The following CD53 variants were observed in gnomAD, a reference collection of about 807,000 sequenced individuals.
CD53 encodes CD53 molecule.
A neutral mutation model predicts 27.3 loss-of-function variants in CD53; 20 were observed. That is an observed-to-expected ratio of 0.73 (90% CI 0.52 to 1.07). CD53 has a LOEUF of 1.07. Among genes scored for constraint, CD53 ranks in the 50% least tolerant of loss-of-function variants. The pLI, the probability that CD53 is intolerant of heterozygous loss-of-function variation, is 0.00. For missense variants in CD53, 216 were observed against 264.0 expected, an observed-to-expected ratio of 0.82 and a Z score of 1.26; for synonymous variants, 106 against 105.3, an observed-to-expected ratio of 1.01 and a Z score of -0.04.
chr1:110,887,036 T>A (rs1307497342), intron 1 of CD53, among the ~76,000 whole-genome samples: 1 of 128,804 alleles, frequency 7.8e-6, no homozygotes, highest in Non-Finnish European at 1.8e-5. Context: ...AGTCTTTTTA[T>A]ACTTTCCATG....
intron 4 of CD53, among the ~76,000 whole-genome samples, 161 bp from the exon 5 acceptor site, chr1:110,894,799 C>A (rs2070749): frequency 0.73 from 110,270 of 152,066 alleles, 42,008 homozygotes; most frequent in Non-Finnish European, 0.84. Context: ...CATGCTCAGC[C>A]TGTATGCCCA....
chr1:110,878,233 G>A (rs1321731924), intron 1 of CD53, among the ~76,000 whole-genome samples: 2 of 152,196 alleles, frequency 1.3e-5, no homozygotes, highest in African/African-American at 4.8e-5. Flanking sequence ...ATGTATCTCA[G>A]TTTGTTTGAG....
chr1:110,886,869 A>ATTT (rs71575170), intron 1 of CD53, among the ~76,000 whole-genome samples: 2,952 of 82,706 alleles, frequency 0.036, 80 homozygotes, highest in African/African-American at 0.049. Flanking sequence ...ATATATATAT[A>ATTT]TTTTTTTTTT....
intron 1 of CD53, among the ~76,000 whole-genome samples, chr1:110,883,398 G>A (rs939140346): frequency 2.6e-5 from 4 of 151,798 alleles, no homozygotes; most frequent in Admixed American, 2.6e-4. Flanking sequence ...CCTGAGAGTA[G>A]CCCCATTTGT....
upstream of CD53, among the ~76,000 whole-genome samples, chr1:110,873,003 G>C (rs750488883): frequency 2.0e-5 from 3 of 152,158 alleles, no homozygotes; most frequent in Non-Finnish European, 4.4e-5. Flanking sequence ...GGCTGTGAGA[G>C]GAAGCTTCTA....
chr1:110,871,617 G>C (rs1056213682), upstream of CD53, among the ~76,000 whole-genome samples: 2 of 152,082 alleles, frequency 1.3e-5, no homozygotes, highest in African/African-American at 2.4e-5. Flanking sequence ...ATAGTAATTA[G>C]AGCCATCAGA....
At chr1:110,892,842 T>A (rs575701549) in intron 3 of CD53, 2 of 242,154 alleles carry the variant, frequency 8.3e-6, no homozygotes, top group South Asian at 1.7e-4. Flanking sequence ...TGAAATCAGG[T>A]GTCATCCATC....
intron 4 of CD53, among the ~76,000 whole-genome samples, chr1:110,894,714 C>T (rs1035970142): frequency 1.3e-5 from 2 of 152,138 alleles, no homozygotes; most frequent in African/African-American, 2.4e-5. Context: ...TTTAATTGCT[C>T]CTTTTCCTCC....
chr1:110,886,144 A>T (rs570943996), intron 1 of CD53, among the ~76,000 whole-genome samples: 1 of 151,802 alleles, frequency 6.6e-6, no homozygotes, highest in Admixed American at 6.6e-5. Flanking sequence ...TAGTATGACA[A>T]TTTTTTTTCT....
In CD53 at chr1:110,878,089, T is replaced by C. The variant is rs529979910; in HGVS notation, c.-18+4841T>C. ...TTTGATGATTCTTAGCTGGGTGACC[T>C]TGTGCCAGTCCTCGGCTTCTCTATT... On this transcript the variant is annotated intron_variant, in intron 1 of 7. Transcript: ENST00000271324. Among the ~76,000 whole-genome samples, 30 of 152,326 alleles carry C rather than the reference T, an allele frequency of 2.0e-4. 1 individual carries two copies. In the South Asian group the frequency reaches 6.0e-3, roughly 30 times the overall value.
Position 110,895,064 on chromosome 1 carries a change from A to C in CD53, c.423+9A>C. The C allele has an allele frequency of 1.3e-6, 2 of 1,590,844 alleles. No individual in the cohort carries two copies. The highest frequency in any genetic ancestry group is 1.1e-5 in the South Asian group (1 of 90,588). On this transcript the variant is annotated intron_variant, in intron 5 of 7. Transcript: ENST00000271324. ...ACTCCATCCAGTCATTTGTGAGTAC[A>C]GGTGGAATCCTCTTCAGATCAGCCC...
Position 110,898,981 on chromosome 1 carries a change from C to T in CD53, c.589-143C>T, listed in dbSNP as rs576485690. Reference sequence around the variant, plus strand: ...TATTCTTTAACCAAAGGAAAGAGCTCCTGAGAGAGACTTGAAAGTAATGGT... The same window carrying T: ...TATTCTTTAACCAAAGGAAAGAGCTTCTGAGAGAGACTTGAAAGTAATGGT... On this transcript the variant is annotated intron_variant, in intron 7 of 7. Coordinates refer to ENST00000271324, the MANE Select transcript of CD53 (RefSeq NM_000560.4). 486 of 621,210 alleles carry T rather than the reference C, an allele frequency of 7.8e-4. 1 individual carries two copies. The highest frequency in any genetic ancestry group is 1.0e-3 in the Non-Finnish European group (360 of 350,638). The allele number at this position is 621,210 out of a possible 1,614,324, so 38.5% of individuals were successfully genotyped here. A position where few individuals can be genotyped will look rare whatever the true frequency, so the allele number is the denominator to read the frequency against.
At chr1:110,883,666 T>A (rs1656447593) in intron 1 of CD53, among the ~76,000 whole-genome samples, 1 of 151,972 alleles carries the variant, frequency 6.6e-6, no homozygotes, top group East Asian at 1.9e-4. Flanking sequence ...CAATAAGACA[T>A]CTGGACTAGC....
intron 1 of CD53, among the ~76,000 whole-genome samples, chr1:110,876,170 C>G (rs1262511578): frequency 2.0e-5 from 3 of 152,202 alleles, no homozygotes; most frequent in Non-Finnish European, 4.4e-5. Context: ...TAAATAGGAG[C>G]TGTCGCAACT....
chr1:110,897,860 G>A lies in CD53; in HGVS notation c.556G>A (p.Gly186Arg), dbSNP rs765838503. Residue 186 changes from glycine (G) to arginine (R), a missense_variant, in exon 7 of 8, where the codon GGA (glycine) becomes AGA (arginine). By Grantham distance (125) the Gly-to-Arg change is moderately radical (BLOSUM62 -2). Coordinates refer to ENST00000271324, the MANE Select transcript of CD53 (RefSeq NM_000560.4). Reference sequence around the variant, plus strand: ...GTTTCATTCCAATTTCCTGTATATCGGAATCATCACCATCTGTGTATGTGT... The same window carrying A: ...GTTTCATTCCAATTTCCTGTATATCAGAATCATCACCATCTGTGTATGTGT... Reference protein sequence around the residue: ...LWFHSNFLYIGIITICVCVIE... With the variant: ...LWFHSNFLYIRIITICVCVIE... 8.1e-6 allele frequency: 13 copies of A among 1,611,490 alleles called. No individual in the cohort carries two copies. The highest frequency in any genetic ancestry group is 8.5e-6 in the Non-Finnish European group (10 of 1,178,044).
chr1:110,874,275 CAG>C (rs1656049089), intron 1 of CD53, among the ~76,000 whole-genome samples: 1 of 152,216 alleles, frequency 6.6e-6, no homozygotes, highest in Admixed American at 6.5e-5. Flanking sequence ...CAAAACACCT[CAG>C]AGTTTATTGA....
intron 3 of CD53, among the ~76,000 whole-genome samples, chr1:110,893,081 C>G (rs1656919491): frequency 6.6e-6 from 1 of 152,172 alleles, no homozygotes; most frequent in Non-Finnish European, 1.5e-5. Context: ...TTTGCATGTT[C>G]CCTATCAGGT....
At chr1:110,878,679 T>C (rs993192593) in intron 1 of CD53, among the ~76,000 whole-genome samples, 6 of 152,202 alleles carry the variant, frequency 3.9e-5, no homozygotes, top group Admixed American at 1.3e-4. Flanking sequence ...TTCTCAATCT[T>C]AGCTTACAAA....
rs896765225 is a variant in CD53, at chr1:110,897,840, A to G, written c.536A>G (p.His179Arg). The G allele has an allele frequency of 6.2e-7, 1 of 1,612,524 alleles. No individual in the cohort carries two copies. Among genetic ancestry groups the G allele is most frequent in the African/African-American group, 1.3e-5 (1 of 74,910 alleles). ...TATGCGAAAGCAAGACTGTGGTTTC[A>G]TTCCAATTTCCTGTATATCGGAATC... ...GCYAKARLWF[H>R]SNFLYIGIIT... is the part of the protein sequence containing the mutation. Residue 179 changes from histidine (H) to arginine (R), a missense_variant, in exon 7 of 8, where the codon CAT becomes CGT. Coordinates refer to ENST00000271324, the MANE Select transcript of CD53 (RefSeq NM_000560.4).
Sources: gnomAD v4.1 joint callset for allele counts (sites outside exome capture counted in the v4.1 genomes callset) on GRCh38, gnomAD v4.1.1 for gene constraint, MANE v1.5 for transcripts, NCBI Gene and HGNC (gene_info 2026-07-23, HGNC 2026-07-21) for gene names.